The following MTMR2 variants were observed in gnomAD, a reference collection of about 807,000 sequenced individuals.
MTMR2 encodes the protein myotubularin related protein 2, also known as phosphatidylinositol-3,5-bisphosphate 3-phosphatase MTMR2.
In MTMR2, 55 loss-of-function variants were observed where a neutral mutation model predicts 86.9. The ratio of observed to expected loss-of-function variants is 0.63; its 90% confidence interval spans 0.51 to 0.79. The LOEUF is 0.79. Ranked by LOEUF, MTMR2 falls within the 30% of genes least tolerant of loss-of-function variation. The pLI, the probability that MTMR2 is intolerant of heterozygous loss-of-function variation, is 0.00. For missense variants in MTMR2, 659 were observed against 772.3 expected (o/e 0.85, Z 1.74); for synonymous variants, 241 against 266.8 (o/e 0.90, Z 0.94).
intron 2 of MTMR2, among the ~76,000 whole-genome samples, chr11:95,866,019 G>T (rs1289758292): frequency 6.6e-6 from 1 of 152,152 alleles, no homozygotes; most frequent in Non-Finnish European, 1.5e-5. Flanking sequence ...GTGGTAATTA[G>T]TTCAAGATCA....
chr11:95,890,519 A>T (rs1865680547), intron 1 of MTMR2, among the ~76,000 whole-genome samples: 2 of 152,164 alleles, frequency 1.3e-5, no homozygotes, highest in African/African-American at 2.4e-5. Flanking sequence ...GGCTATAGAA[A>T]CCTTTTATTT....
At position 95,835,347 on chromosome 11, in the gene MTMR2, G is replaced by A. The variant is rs1863216898; in HGVS notation, c.1875C>T (p.Ser625=). The change falls in exon 15 of 15, where the codon TCC becomes TCT. Residue 625 remains serine, a synonymous_variant. Coordinates refer to ENST00000346299, the MANE Select transcript of MTMR2 (RefSeq NM_016156.6). ...QREISNRSTS[S]SERASSPAQC... is the part of the protein sequence containing the mutation. ...GTGCAGGAGAGCTGGCTCTCTCTGA[G>A]GATGAGGTTGATCGGTTAGAAATCT... The A allele has an allele frequency of 6.2e-7, 1 of 1,613,002 alleles. No homozygotes were observed. The highest frequency in any genetic ancestry group is 1.1e-5 in the South Asian group (1 of 91,066).
intron 2 of MTMR2, among the ~76,000 whole-genome samples, chr11:95,887,428 A>G (rs1184424921): frequency 1.3e-5 from 2 of 152,134 alleles, no homozygotes; most frequent in Non-Finnish European, 2.9e-5. Flanking sequence ...TGGAGAAAAA[A>G]AAAACGATTA....
rs574781741 is a variant in MTMR2 at position 95,835,051 on chromosome 11, T to A, written c.*239A>T. The A allele has an allele frequency of 9.0e-5, 46 of 508,464 alleles. No individual in the cohort carries two copies. The South Asian group carries it at 1.1e-3, about 12-fold the overall frequency. 31.5% of individuals were successfully genotyped at this position (508,464 alleles called of 1,614,324 possible). A position where few individuals can be genotyped will look rare whatever the true frequency, so the allele number is the denominator to read the frequency against. ...ACTGTGAATCCAGGATTGAAGTATT[T>A]TAATATTCTTTGGATACTTAAAAGA... On this transcript the variant is annotated 3_prime_UTR_variant, in exon 15 of 15. Coordinates refer to ENST00000346299, the MANE Select transcript of MTMR2 (RefSeq NM_016156.6).
chr11:95,849,636 A>G (rs377393800), intron 9 of MTMR2, 38 bp downstream of exon 9: 1 of 1,577,674 alleles, frequency 6.3e-7, no homozygotes, highest in African/African-American at 1.3e-5. Context: ...CAGCTGATTC[A>G]TGAAACCATA....
At position 95,834,983 on chromosome 11, in the gene MTMR2, A is replaced by C. The variant is rs1300838823; in HGVS notation, c.*307T>G. On this transcript the variant is annotated 3_prime_UTR_variant, in exon 15 of 15. Transcript: ENST00000346299. ...ATGGTTTTAATATTACCAGATGCCAAAAATTTGTAACAGCATTTGCCTTTT... is the reference window on the plus strand; with the variant it reads ...ATGGTTTTAATATTACCAGATGCCACAAATTTGTAACAGCATTTGCCTTTT... 2 of 369,460 alleles carry C rather than the reference A, an allele frequency of 5.4e-6. No individual in the cohort carries two copies. The highest frequency in any genetic ancestry group is 1.0e-5 in the Non-Finnish European group (2 of 194,432). The allele number at this position is 369,460 out of a possible 1,614,324, so 22.9% of individuals were successfully genotyped here. A position where few individuals can be genotyped will look rare whatever the true frequency, so the allele number is the denominator to read the frequency against.
chr11:95,849,849 A>G lies in MTMR2; in HGVS notation c.818T>C (p.Ile273Thr). The G allele has an allele frequency of 6.2e-7, 1 of 1,614,078 alleles. No homozygotes were observed. Among genetic ancestry groups the G allele is most frequent in the Non-Finnish European group, 8.5e-7 (1 of 1,179,956 alleles). ...GATTGTGGCTTGACTTTCAGGATGAATCCATGATAAAACCTTAATGAGGAA... is the reference window on the plus strand; with the variant it reads ...GATTGTGGCTTGACTTTCAGGATGAGTCCATGATAAAACCTTAATGAGGAA... ...SRGRIPVLSW[I>T]HPESQATITR... Residue 273 changes from isoleucine (I) to threonine (T), a missense_variant, in exon 9 of 15, where the codon ATT (isoleucine) becomes ACT (threonine). Ile to Thr is a moderately conservative substitution (Grantham distance 89). Coordinates refer to ENST00000346299, the MANE Select transcript of MTMR2 (RefSeq NM_016156.6).
chr11:95,910,828 T>C (rs1016090020), intron 1 of MTMR2, among the ~76,000 whole-genome samples: 2 of 151,980 alleles, frequency 1.3e-5, no homozygotes, highest in African/African-American at 4.8e-5. Flanking sequence ...CAATGCACTA[T>C]AGTATCATAA....
At position 95,899,490 on chromosome 11, in the gene MTMR2, C is replaced by T. The variant is rs185631603; in HGVS notation, c.81-11229G>A. Among the ~76,000 whole-genome samples the T allele has an allele frequency of 6.6e-3, 1,000 of 152,192 alleles. 7 individuals are homozygous for T. The highest frequency in any genetic ancestry group is 0.011 in the Non-Finnish European group (722 of 67,998). Reference sequence around the variant, plus strand: ...TCATTCAGGCAATGTTGATTTACTGCTTATCAGTGTGATATGAGTGTTCTA... The same window carrying T: ...TCATTCAGGCAATGTTGATTTACTGTTTATCAGTGTGATATGAGTGTTCTA... On this transcript the variant is annotated intron_variant, in intron 1 of 14. Coordinates refer to ENST00000346299, the MANE Select transcript of MTMR2 (RefSeq NM_016156.6).
intron 11 of MTMR2, among the ~76,000 whole-genome samples, chr11:95,843,187 T>C (rs1863624263): frequency 6.6e-6 from 1 of 152,232 alleles, no homozygotes; most frequent in African/African-American, 2.4e-5. Context: ...AACTCAATTT[T>C]TGGTGAACTT....
chr11:95,916,217 A>G (rs1421265951), intron 1 of MTMR2, among the ~76,000 whole-genome samples: 1 of 152,130 alleles, frequency 6.6e-6, no homozygotes, highest in Admixed American at 6.5e-5. Flanking sequence ...TATGACTCCA[A>G]TACCCATTCT....
intron 7 of MTMR2, among the ~76,000 whole-genome samples, chr11:95,852,051 ATCTT>A (rs1243400493): frequency 6.6e-6 from 1 of 152,264 alleles, no homozygotes; most frequent in Non-Finnish European, 1.5e-5. Context: ...AAGAAAATCT[ATCTT>A]AAATTTTATG....
chr11:95,886,302 GCAATT>G (rs1865509365), intron 2 of MTMR2, among the ~76,000 whole-genome samples: 1 of 152,136 alleles, frequency 6.6e-6, no homozygotes, highest in Non-Finnish European at 1.5e-5. Flanking sequence ...TATTATCTTT[GCAATT>G]TTTCTAAGAA....
intron 10 of MTMR2, among the ~76,000 whole-genome samples, chr11:95,845,866 C>G (rs1363177602): frequency 1.8e-5 from 1 of 56,334 alleles, no homozygotes; most frequent in South Asian, 5.3e-4. Flanking sequence ...AAAAGAAACA[C>G]AAAAGTATGG....
At chr11:95,864,152 C>T (rs1166823594) in intron 3 of MTMR2, among the ~76,000 whole-genome samples, 1 of 152,068 alleles carries the variant, frequency 6.6e-6, no homozygotes, top group African/African-American at 2.4e-5. Context: ...AAGATAGAGG[C>T]ATTTGTTTAC....
intron 1 of MTMR2, among the ~76,000 whole-genome samples, chr11:95,896,429 G>A (rs946486420): frequency 2.3e-4 from 34 of 151,076 alleles, no homozygotes; most frequent in African/African-American, 7.8e-4. Context: ...GATCCTCCCC[G>A]CTCAGGCTCC....
rs188555540 is a variant in MTMR2, at chr11:95,835,092, T to C, written c.*198A>G. 5.1e-6 allele frequency: 3 copies of C among 589,548 alleles called. No homozygotes were observed. The Admixed American group carries it at 8.7e-5, about 17-fold the overall frequency. 36.5% of individuals were successfully genotyped at this position (589,548 alleles called of 1,614,324 possible). A position where few individuals can be genotyped will look rare whatever the true frequency, so the allele number is the denominator to read the frequency against. On this transcript the variant is annotated 3_prime_UTR_variant, in exon 15 of 15. Transcript: ENST00000346299. ...ACTTAAAAGATTAGTATCATAATCA[T>C]GTAATTACATATGGAGTTACTTCAC...
chr11:95,896,588 T>TAGAC (rs1865888126), intron 1 of MTMR2, among the ~76,000 whole-genome samples: 1 of 152,070 alleles, frequency 6.6e-6, no homozygotes, highest in South Asian at 2.1e-4. Flanking sequence ...TGGTATAAAG[T>TAGAC]AGACACTCAG....
At chr11:95,913,495 T>C (rs992013969) in intron 1 of MTMR2, among the ~76,000 whole-genome samples, 1 of 152,158 alleles carries the variant, frequency 6.6e-6, no homozygotes, top group Non-Finnish European at 1.5e-5. Context: ...ATTCCTAACG[T>C]CACCTCAATG....
Sources: allele counts gnomAD v4.1 joint callset (sites outside exome capture counted in the v4.1 genomes callset), GRCh38; gene constraint gnomAD v4.1.1; transcripts MANE v1.5; gene names NCBI Gene and HGNC (gene_info 2026-07-23, HGNC 2026-07-21).